The following ZW10 variants were observed in gnomAD, a reference collection of about 807,000 sequenced individuals.
The protein encoded by ZW10 is centromere/kinetochore protein zw10 homolog.
ZW10 carries 53 observed loss-of-function variants against 87.8 expected under a neutral mutation model. That is an observed-to-expected ratio of 0.60 (90% CI 0.48 to 0.76). The LOEUF is 0.76. ZW10 is among the 30% of genes least tolerant of loss of function. The pLI, the probability that ZW10 is intolerant of heterozygous loss-of-function variation, is 0.00. For missense variants in ZW10, 837 were observed against 923.0 expected (o/e 0.91, Z 1.21); for synonymous variants, 312 against 329.2 (o/e 0.95, Z 0.57).
intron 7 of ZW10, among the ~76,000 whole-genome samples, chr11:113,749,947 C>T (rs1359530580): frequency 1.3e-5 from 2 of 152,196 alleles, no homozygotes; most frequent in East Asian, 1.9e-4. Flanking sequence ...AGTTCTTTTC[C>T]TCCATGCACT....
chr11:113,757,004 A>G (rs1054292375), intron 7 of ZW10, among the ~76,000 whole-genome samples: 1 of 152,120 alleles, frequency 6.6e-6, no homozygotes, highest in African/African-American at 2.4e-5. Context: ...GCCCACAAAC[A>G]GTAGGAGCAT....
chr11:113,739,320 G>A lies in ZW10; in HGVS notation c.1646C>T (p.Ala549Val). ...AIHHNNCMYI[A>V]HHLLTLGHQF... ...ATGCCCGAGGGTCAGCAAGTGGTGA[G>A]CAATGTACATACAGTTGTTGTGATG... The change falls in exon 12 of 16, where the codon GCT becomes GTT. Residue 549 changes from alanine to valine, a missense_variant. Physicochemically the swap from Ala to Val is moderately conservative, Grantham distance 64. Transcript: ENST00000200135. 1 of 1,613,650 alleles carries A rather than the reference G, an allele frequency of 6.2e-7. No individual in the cohort carries two copies. Among genetic ancestry groups the A allele is most frequent in the Non-Finnish European group, 8.5e-7 (1 of 1,179,836 alleles).
At chr11:113,764,371 A>T (rs1953891659) in intron 2 of ZW10, among the ~76,000 whole-genome samples, 1 of 152,142 alleles carries the variant, frequency 6.6e-6, no homozygotes, top group Admixed American at 6.6e-5. Flanking sequence ...ATGAAATTAA[A>T]ACAGTTTTTT....
chr11:113,756,965 T>C (rs1394838591), intron 7 of ZW10, among the ~76,000 whole-genome samples: 1 of 152,154 alleles, frequency 6.6e-6, no homozygotes, highest in African/African-American at 2.4e-5. Context: ...TATTTATACA[T>C]AAATATACAG....
intron 7 of ZW10, among the ~76,000 whole-genome samples, chr11:113,752,086 C>A (rs1953739581): frequency 6.6e-6 from 1 of 152,182 alleles, no homozygotes; most frequent in South Asian, 2.1e-4. Flanking sequence ...AACTTATGTT[C>A]TTTGCCAATG....
In ZW10 at chr11:113,769,737, A is replaced by C; in HGVS notation, c.106-770T>G. 3 of 421,468 alleles carry C rather than the reference A, an allele frequency of 7.1e-6. 1 individual carries two copies. Among genetic ancestry groups the C allele is most frequent in the Non-Finnish European group, 1.4e-5 (3 of 218,310 alleles). 26.1% of individuals were successfully genotyped at this position (421,468 alleles called of 1,614,324 possible). A position where few individuals can be genotyped will look rare whatever the true frequency, so the allele number is the denominator to read the frequency against. On this transcript the variant is annotated intron_variant, in intron 1 of 15. Transcript: ENST00000200135. The stretch of plus-strand genomic sequence containing the variant: ...CAGAGGCCTATAGCCCATAAGGATT[A>C]ATGCCTGTGGTTTCCACAGAAGCAC...
Position 113,769,064 on chromosome 11 carries a change from G to C in ZW10, c.106-97C>G, listed in dbSNP as rs1450588529. Reference sequence around the variant, plus strand: ...CTTCCACAAGGCATTTTCCATGTTAGAACCTTCTTGCCAATTGCCTATACC... The same window carrying C: ...CTTCCACAAGGCATTTTCCATGTTACAACCTTCTTGCCAATTGCCTATACC... On this transcript the variant is annotated intron_variant, in intron 1 of 15. Coordinates refer to ENST00000200135, the MANE Select transcript of ZW10 (RefSeq NM_004724.4). 3.8e-6 allele frequency: 5 copies of C among 1,323,810 alleles called. No homozygotes were observed. In the African/African-American group the frequency reaches 5.8e-5, roughly 15 times the overall value. The allele number at this position is 1,323,810 out of a possible 1,614,324, so 82.0% of individuals were successfully genotyped here. A position where few individuals can be genotyped will look rare whatever the true frequency, so the allele number is the denominator to read the frequency against.
rs200502512 is a variant in ZW10, at chr11:113,768,984, A to G, written c.106-17T>C. 2 of 1,609,332 alleles carry G rather than the reference A, an allele frequency of 1.2e-6. No homozygotes were observed. Among genetic ancestry groups the G allele is most frequent in the East Asian group, 4.5e-5 (2 of 44,842 alleles). On this transcript the variant is annotated splice_polypyrimidine_tract_variant and intron_variant, in intron 1 of 15. Transcript: ENST00000200135. ...CACCTCACCCTAAAATATAAAACAG[A>G]ATTATATTAAAAGACAGTGAAATGA...
At chr11:113,747,365 G>A (rs1846972184) in intron 9 of ZW10, among the ~76,000 whole-genome samples, 166 bp downstream of exon 9, 1 of 152,158 alleles carries the variant, frequency 6.6e-6, no homozygotes, top group South Asian at 2.1e-4. Flanking sequence ...TGGAAGAGGT[G>A]GAGATTAGGA....
chr11:113,761,698 A>C (rs915118295), intron 2 of ZW10, among the ~76,000 whole-genome samples: 10 of 152,286 alleles, frequency 6.6e-5, no homozygotes, highest in African/African-American at 2.2e-4. Flanking sequence ...TCCCTAATTT[A>C]TCTTCATTCA....
chr11:113,765,162 A>C (rs931473878), intron 2 of ZW10, among the ~76,000 whole-genome samples: 1 of 152,228 alleles, frequency 6.6e-6, no homozygotes, highest in Non-Finnish European at 1.5e-5. Context: ...AATAGTGACA[A>C]GGGTGAGAAA....
At chr11:113,758,811 A>C (rs952673115) in intron 5 of ZW10, 105 bp from the exon 6 acceptor site, 1 of 1,072,990 alleles carries the variant, frequency 9.3e-7, no homozygotes, top group East Asian at 2.5e-5. Flanking sequence ...GTTCTATTAC[A>C]ATATACTCCT....
chr11:113,755,725 G>A (rs7112973), intron 7 of ZW10, among the ~76,000 whole-genome samples: 2,351 of 152,182 alleles, frequency 0.015, 68 homozygotes, highest in African/African-American at 0.053. Flanking sequence ...CAATTGATGA[G>A]GCAAGCTTCA....
At chr11:113,759,537 C>T (rs2134889209) in intron 5 of ZW10, among the ~76,000 whole-genome samples, 1 of 152,210 alleles carries the variant, frequency 6.6e-6, no homozygotes, top group African/African-American at 2.4e-5. Flanking sequence ...ACACCAGGTA[C>T]AATAGCATGT....
intron 7 of ZW10, among the ~76,000 whole-genome samples, chr11:113,752,454 G>A (rs527841960): frequency 6.6e-6 from 1 of 152,158 alleles, no homozygotes; most frequent in African/African-American, 2.4e-5. Flanking sequence ...TGGTTTTTGG[G>A]GTTTTATTTT....
At chr11:113,769,869 TG>T in intron 1 of ZW10, 1 of 335,868 alleles carries the variant, frequency 3.0e-6, no homozygotes, top group Non-Finnish European at 5.8e-6. Context: ...TCCAGAAAGC[TG>T]ATGATGTGCC....
chr11:113,752,430 T>C (rs1282801764), intron 7 of ZW10, among the ~76,000 whole-genome samples: 1 of 152,222 alleles, frequency 6.6e-6, no homozygotes, highest in Non-Finnish European at 1.5e-5. Context: ...TGCTTTAATG[T>C]GCTTCACAGA....
In ZW10 at chr11:113,752,262, ATGTGTG is replaced by A. The variant is rs145208653; in HGVS notation, c.926-3848_926-3843del. On this transcript the variant is annotated intron_variant, in intron 7 of 15. Coordinates refer to ENST00000200135, the MANE Select transcript of ZW10 (RefSeq NM_004724.4). Reference sequence around the variant, plus strand: ...TTACGTCACACTGCACATGAACAAGATGTGTGTGTGTGTGTGTGTGTGTGTATTTGC... The same window carrying A: ...TTACGTCACACTGCACATGAACAAGATGTGTGTGTGTGTGTGTGTATTTGC... 1.3e-4 allele frequency among the ~76,000 whole-genome samples: 20 copies of A among 149,150 alleles called. No individual in the cohort carries two copies. In the East Asian group the frequency reaches 2.1e-3, roughly 16 times the overall value.
At chr11:113,772,492 C>T (rs1332914444) in intron 1 of ZW10, among the ~76,000 whole-genome samples, 1 of 152,130 alleles carries the variant, frequency 6.6e-6, no homozygotes, top group Non-Finnish European at 1.5e-5. Flanking sequence ...GACTCAGATA[C>T]ACAAAATTTT....
Sources: allele counts gnomAD v4.1 joint callset (sites outside exome capture counted in the v4.1 genomes callset), GRCh38; gene constraint gnomAD v4.1.1; transcripts MANE v1.5; gene names NCBI Gene and HGNC (gene_info 2026-07-23, HGNC 2026-07-21).